Variants in CARD9 observed in about 807,000 individuals in gnomAD.
The protein encoded by CARD9 is caspase recruitment domain family member 9.
A neutral mutation model predicts 66.0 loss-of-function variants in CARD9; 53 were observed. That is an observed-to-expected ratio of 0.80 (90% CI 0.64 to 1.01). The LOEUF (loss-of-function observed/expected upper bound fraction) is 1.01, where lower values mean the gene tolerates loss of function less well. Ranked by LOEUF, CARD9 falls within the 50% of genes least tolerant of loss-of-function variation. The pLI is 0.00. For missense variants in CARD9, 769 were observed against 743.2 expected (o/e 1.03, Z -0.40); for synonymous variants, 387 against 313.8 (o/e 1.23, Z -2.47).
At chr9:136,366,637 T>C in intron 10 of CARD9, 163 bp downstream of exon 10, 3 of 759,784 alleles carry the variant, frequency 3.9e-6, no homozygotes, top group Non-Finnish European at 6.8e-6. Context: ...GTTCTCTAGG[T>C]GACCTTGACC....
chr9:136,368,242 G>A (rs938323562), intron 7 of CARD9, among the ~76,000 whole-genome samples: 2 of 152,242 alleles, frequency 1.3e-5, no homozygotes, highest in African/African-American at 4.8e-5. Context: ...CAAACACGAC[G>A]GCTTGACCAC....
chr9:136,366,713 C>T (rs539963055), intron 10 of CARD9, 87 bp downstream of exon 10: 2 of 1,396,508 alleles, frequency 1.4e-6, no homozygotes, highest in South Asian at 2.3e-5. Context: ...TTGACACAGG[C>T]ATTGCGGCAC....
intron 8 of CARD9, 68 bp from the exon 9 acceptor site, chr9:136,367,325 G>T: frequency 6.4e-7 from 1 of 1,551,656 alleles, no homozygotes. Context: ...AGGGTGGGCA[G>T]GGCACAGAGC....
At position 136,366,852 on chromosome 9, in the gene CARD9, A is replaced by G. The variant is rs1564367175; in HGVS notation, c.1312-7T>C. 2.5e-6 allele frequency: 4 copies of G among 1,612,784 alleles called. No homozygotes were observed. The highest frequency in any genetic ancestry group is 3.4e-6 in the Non-Finnish European group (4 of 1,179,908). Reference sequence around the variant, plus strand: ...GGTCCTGGGGGAGTGAGAGCTTCCAAAGAGAGTCAAGATGTCCCATTAGGC... The same window carrying G: ...GGTCCTGGGGGAGTGAGAGCTTCCAGAGAGAGTCAAGATGTCCCATTAGGC... On this transcript the variant is annotated splice_polypyrimidine_tract_variant and splice_region_variant and intron_variant, in intron 9 of 12. Transcript: ENST00000371732.
At chr9:136,364,691 G>T in intron 11 of CARD9, 132 bp from the exon 12 acceptor site, 1 of 883,732 alleles carries the variant, frequency 1.1e-6, no homozygotes, top group Non-Finnish European at 1.7e-6. Flanking sequence ...TCAGCTCAGC[G>T]CCAAGCTCTC....
intron 10 of CARD9, chr9:136,365,824 GCCC>G (rs1833111601): frequency 6.5e-6 from 1 of 153,348 alleles, no homozygotes; most frequent in South Asian, 1.9e-4. Context: ...CTTAGAGCCA[GCCC>G]CTCCCCTGCT....
intron 7 of CARD9, among the ~76,000 whole-genome samples, chr9:136,368,223 G>A (rs1218796934): frequency 6.6e-6 from 1 of 152,238 alleles, no homozygotes; most frequent in African/African-American, 2.4e-5. Context: ...AGACGCAGGA[G>A]CGAATGTGCA....
chr9:136,367,458 T>C (rs1405158231), intron 8 of CARD9, 179 bp downstream of exon 8: 2 of 944,258 alleles, frequency 2.1e-6, no homozygotes, highest in Non-Finnish European at 3.2e-6. Flanking sequence ...CAGCCCCACT[T>C]CCTGCTGGGA....
intron 6 of CARD9, 127 bp from the exon 7 acceptor site, chr9:136,370,002 A>C: frequency 6.6e-7 from 1 of 1,516,096 alleles, no homozygotes. Context: ...AGGCCATAGG[A>C]GTCCCCAGGC....
intron 2 of CARD9, 62 bp from the exon 3 acceptor site, chr9:136,371,523 T>TGGGGG: frequency 2.4e-6 from 1 of 420,246 alleles, no homozygotes; most frequent in Non-Finnish European, 3.9e-6. Context: ...CTGGGGTGGG[T>TGGGGG]GGGCCTGGGG....
chr9:136,367,436 A>T (rs994614202), intron 8 of CARD9, 179 bp from the exon 9 acceptor site: 3 of 927,326 alleles, frequency 3.2e-6, no homozygotes, highest in Admixed American at 4.5e-5. Flanking sequence ...CCCAGGACCC[A>T]CCCCGGCCCT....
chr9:136,368,942 C>T (rs1267222457), intron 7 of CARD9, among the ~76,000 whole-genome samples: 1 of 152,170 alleles, frequency 6.6e-6, no homozygotes, highest in Admixed American at 6.5e-5. Flanking sequence ...GCCTCAGCCT[C>T]CTGAGTAGCT....
intron 8 of CARD9, 132 bp downstream of exon 8, chr9:136,367,505 G>A (rs1234697597): frequency 1.7e-6 from 2 of 1,147,470 alleles, no homozygotes; most frequent in South Asian, 3.0e-5. Context: ...CCACTGCCAG[G>A]AGGGGTTTGG....
intron 6 of CARD9, 197 bp from the exon 7 acceptor site, chr9:136,370,072 C>T: frequency 1.4e-6 from 2 of 1,391,438 alleles, no homozygotes; most frequent in Non-Finnish European, 1.9e-6. Context: ...AGGCCTCAGA[C>T]ACTGCTGTGC....
At position 136,364,235 on chromosome 9, in the gene CARD9, C is replaced by T. The variant is rs1193796621; in HGVS notation, c.*67G>A. On this transcript the variant is annotated 3_prime_UTR_variant, in exon 13 of 13. Coordinates refer to ENST00000371732, the MANE Select transcript of CARD9 (RefSeq NM_052813.5). ...CGGGGAAGTCTGCGCCCCAGGGCGT[C>T]GGCACCCCCGGGTGGCAGGAGGCCG... The T allele has an allele frequency of 2.6e-6, 4 of 1,550,276 alleles. No individual in the cohort carries two copies. Among genetic ancestry groups the T allele is most frequent in the Non-Finnish European group, 2.6e-6 (3 of 1,146,690 alleles).
At chr9:136,371,272 C>G in intron 3 of CARD9, 52 bp downstream of exon 3, 1 of 1,575,362 alleles carries the variant, frequency 6.3e-7, no homozygotes, top group Non-Finnish European at 8.6e-7. Context: ...AACACCACTG[C>G]CCGCTCCCCG....
At chr9:136,365,624 G>T in intron 10 of CARD9, 1 of 231,234 alleles carries the variant, frequency 4.3e-6, no homozygotes, top group Non-Finnish European at 8.7e-6. Context: ...GGCTGTCTGG[G>T]TCCTCCTGAA....
At chr9:136,364,892 C>G (rs181417685) in intron 11 of CARD9, 329 of 596,614 alleles carry the variant, frequency 5.5e-4, no homozygotes, top group Non-Finnish European at 8.3e-4. Context: ...TGTAAAGGCC[C>G]TCGGAAAACC....
In CARD9 at chr9:136,364,035, T is replaced by G; in HGVS notation, c.*267A>C. On this transcript the variant is annotated 3_prime_UTR_variant, in exon 13 of 13. Coordinates refer to ENST00000371732, the MANE Select transcript of CARD9 (RefSeq NM_052813.5). ...ATGCATGCATGTATTGTGTGTTACA[T>G]GGTGAAACAGAACAGATCCTGAAGT... is the stretch of plus-strand genomic sequence containing the variant. 1.3e-6 allele frequency: 2 copies of G among 1,484,058 alleles called. No individual in the cohort carries two copies. Among genetic ancestry groups the G allele is most frequent in the Non-Finnish European group, 1.8e-6 (2 of 1,086,418 alleles). 91.9% of individuals were successfully genotyped at this position (1,484,058 alleles called of 1,614,324 possible).
Sources: gnomAD v4.1 joint callset for allele counts (sites outside exome capture counted in the v4.1 genomes callset) on GRCh38, gnomAD v4.1.1 for gene constraint, MANE v1.5 for transcripts, NCBI Gene and HGNC (gene_info 2026-07-23, HGNC 2026-07-21) for gene names.